The following HPGDS variants were observed in gnomAD, a reference collection of about 807,000 sequenced individuals.
The protein encoded by HPGDS is hematopoietic prostaglandin D synthase, also known as GST class-sigma.
In HPGDS, 26 loss-of-function variants were observed where a neutral mutation model predicts 23.1. That is an observed-to-expected ratio of 1.13 (90% CI 0.83 to 1.56). HPGDS has a LOEUF of 1.56. HPGDS is among the 40% of genes most tolerant of loss of function. The pLI is 0.00. For synonymous variants in HPGDS, 95 were observed against 77.9 expected (o/e 1.22, Z -1.16); for missense variants, 268 against 236.4 (o/e 1.13, Z -0.88).
intron 4 of HPGDS, among the ~76,000 whole-genome samples, chr4:94,305,808 A>G (rs1308198357): frequency 2.0e-5 from 3 of 152,040 alleles, no homozygotes; most frequent in Non-Finnish European, 2.9e-5. Flanking sequence ...ATTCTAAAGG[A>G]ATGCTTAAAT....
chr4:94,328,857 C>A (rs1300786336), intron 2 of HPGDS, among the ~76,000 whole-genome samples: 22 of 152,140 alleles, frequency 1.4e-4, no homozygotes. Context: ...ACTCTGATGA[C>A]CCTCATACAA....
chr4:94,336,003 C>T (rs1215082615), intron 1 of HPGDS, among the ~76,000 whole-genome samples: 3 of 151,940 alleles, frequency 2.0e-5, no homozygotes, highest in African/African-American at 4.8e-5. Context: ...GCCAGGAGTT[C>T]GAGACCAGCC....
At chr4:94,319,331 T>C (rs1273524362) in intron 2 of HPGDS, among the ~76,000 whole-genome samples, 2 of 152,242 alleles carry the variant, frequency 1.3e-5, no homozygotes, top group Non-Finnish European at 2.9e-5. Context: ...TAAACATTGC[T>C]GCTCCTGCAT....
intron 3 of HPGDS, among the ~76,000 whole-genome samples, chr4:94,309,769 C>T (rs569255918): frequency 1.3e-5 from 2 of 151,578 alleles, no homozygotes; most frequent in South Asian, 4.2e-4. Context: ...GTTCCTATTT[C>T]TCCACATCCT....
rs574223471 is a variant in HPGDS at position 94,319,320 on chromosome 4, A to G, written c.134-1355T>C. 4.6e-5 allele frequency among the ~76,000 whole-genome samples: 7 copies of G among 152,304 alleles called. No individual in the cohort carries two copies. The South Asian group carries it at 1.5e-3, about 32-fold the overall frequency. ...TTACTTAAAGTCTATTTTGTCTGCT[A>G]TAAACATTGCTGCTCCTGCATGCTT... On this transcript the variant is annotated intron_variant, in intron 2 of 5. Coordinates refer to ENST00000295256, the MANE Select transcript of HPGDS (RefSeq NM_014485.3).
chr4:94,325,512 G>T (rs1247454604), intron 2 of HPGDS, among the ~76,000 whole-genome samples: 2 of 152,170 alleles, frequency 1.3e-5, no homozygotes, highest in African/African-American at 4.8e-5. Flanking sequence ...CCCCAGCTAG[G>T]CTGCCGCCTT....
intron 2 of HPGDS, among the ~76,000 whole-genome samples, chr4:94,326,184 G>T (rs1756628639): frequency 6.6e-6 from 1 of 152,088 alleles, no homozygotes; most frequent in Non-Finnish European, 1.5e-5. Context: ...TGACTTTAAT[G>T]TTTAATGACT....
At chr4:94,333,428 A>G (rs986282371) in intron 2 of HPGDS, among the ~76,000 whole-genome samples, 1 of 152,184 alleles carries the variant, frequency 6.6e-6, no homozygotes, top group South Asian at 2.1e-4. Flanking sequence ...AAGGAATGTG[A>G]GCTATCTCAC....
At chr4:94,339,213 C>T (rs1207023424) in intron 1 of HPGDS, among the ~76,000 whole-genome samples, 1 of 152,214 alleles carries the variant, frequency 6.6e-6, no homozygotes, top group Non-Finnish European at 1.5e-5. Context: ...ACTGCAGTAT[C>T]ATTCTGGTCC....
At chr4:94,305,000 A>G (rs1261620086) in intron 4 of HPGDS, among the ~76,000 whole-genome samples, 2 of 152,216 alleles carry the variant, frequency 1.3e-5, no homozygotes, top group East Asian at 3.9e-4. Flanking sequence ...ATTGGAGAGC[A>G]TCTGTTTCTA....
intron 1 of HPGDS, among the ~76,000 whole-genome samples, chr4:94,335,537 C>T (rs1425814550): frequency 1.3e-5 from 2 of 152,120 alleles, no homozygotes; most frequent in Non-Finnish European, 2.9e-5. Flanking sequence ...TGAATTTGGG[C>T]TTTGGCCAGT....
Position 94,299,469 on chromosome 4 carries a change from A to T in HPGDS, c.*11T>A, listed in dbSNP as rs775110960. ...CCCGAGAAAAACAAACTTGAAGGCA[A>T]CATGGATCAGCTAGAGTTTGGTTTG... On this transcript the variant is annotated 3_prime_UTR_variant, in exon 6 of 6. Transcript: ENST00000295256. 1.2e-6 allele frequency: 2 copies of T among 1,603,306 alleles called. No homozygotes were observed. Among genetic ancestry groups the T allele is most frequent in the Non-Finnish European group, 1.7e-6 (2 of 1,173,042 alleles).
chr4:94,334,514 C>T lies in HPGDS; in HGVS notation c.116G>A (p.Trp39Ter). ...YEDHRIEQAD[W>*]PEIKSTLPFG... The stretch of plus-strand genomic sequence containing the variant: ...CTACTTACTTGATTTGATTTCAGGC[C>T]AGTCAGCTTGTTCTATTCTGTGGTC... The change falls in exon 2 of 6, where the codon TGG (tryptophan) becomes TAG (stop). Residue 39 changes from tryptophan (W) to a stop codon, truncating the protein, a stop_gained. Coordinates refer to ENST00000295256, the MANE Select transcript of HPGDS (RefSeq NM_014485.3). LOFTEE classifies it high-confidence loss of function. 3 of 1,593,578 alleles carry T rather than the reference C, an allele frequency of 1.9e-6. No homozygotes were observed. The highest frequency in any genetic ancestry group is 2.6e-6 in the Non-Finnish European group (3 of 1,171,846).
At chr4:94,319,916 C>G (rs541127607) in intron 2 of HPGDS, among the ~76,000 whole-genome samples, 2 of 152,234 alleles carry the variant, frequency 1.3e-5, no homozygotes, top group Non-Finnish European at 2.9e-5. Flanking sequence ...CCCCTCTACC[C>G]CCACCCTGCA....
At chr4:94,325,138 C>A (rs1756603375) in intron 2 of HPGDS, among the ~76,000 whole-genome samples, 1 of 152,162 alleles carries the variant, frequency 6.6e-6, no homozygotes, top group Admixed American at 6.5e-5. Context: ...GCTGCCTGAT[C>A]CTTCCTCTGG....
intron 2 of HPGDS, among the ~76,000 whole-genome samples, chr4:94,323,091 C>A (rs1006642478): frequency 6.6e-6 from 1 of 152,180 alleles, no homozygotes; most frequent in Non-Finnish European, 1.5e-5. Flanking sequence ...GTTTCTTAAT[C>A]CTGAGTTCTA....
chr4:94,340,261 C>A (rs1721111394), intron 1 of HPGDS, among the ~76,000 whole-genome samples: 2 of 18,668 alleles, frequency 1.1e-4, no homozygotes, highest in South Asian at 3.3e-3. Flanking sequence ...TGGTCTAAAC[C>A]TTTCTTTCTT....
intron 4 of HPGDS, chr4:94,303,760 G>C (rs151015094): frequency 6.6e-6 from 1 of 152,182 alleles, no homozygotes; most frequent in Non-Finnish European, 1.5e-5. Context: ...AAAAACTCCT[G>C]TGTGCACTCC....
At chr4:94,340,651 T>A (rs968654310) in intron 1 of HPGDS, among the ~76,000 whole-genome samples, 1 of 25,066 alleles carries the variant, frequency 4.0e-5, no homozygotes, top group Non-Finnish European at 6.2e-5. Context: ...CCCCCCTCCC[T>A]TTTTTTTTTT....
Sources: gnomAD v4.1 joint callset for allele counts (sites outside exome capture counted in the v4.1 genomes callset) on GRCh38, gnomAD v4.1.1 for gene constraint, MANE v1.5 for transcripts, NCBI Gene and HGNC (gene_info 2026-07-23, HGNC 2026-07-21) for gene names.